The following ATXN1 variants were observed in gnomAD, a reference collection of about 807,000 sequenced individuals.
ATXN1 encodes ataxin 1, also known as ataxin-1.
ATXN1 carries 8 observed loss-of-function variants against 56.4 expected under a neutral mutation model. The ratio of observed to expected loss-of-function variants is 0.14; its 90% CI spans 0.08 to 0.26. The LOEUF (loss-of-function observed/expected upper bound fraction) is 0.26, where lower values mean the gene tolerates loss of function less well. ATXN1 is among the 10% of genes least tolerant of loss of function. The probability of loss-of-function intolerance (pLI) is 1.00; values close to 1 mark genes in which losing one functional copy is unlikely to be tolerated. For synonymous variants in ATXN1, 514 were observed against 494.6 expected (o/e 1.04, Z -0.52); for missense variants, 987 against 1,106.5 (o/e 0.89, Z 1.53).
intron 2 of ATXN1, among the ~76,000 whole-genome samples, chr6:16,736,122 A>G (rs554055140): frequency 6.6e-6 from 1 of 152,350 alleles, no homozygotes; most frequent in Admixed American, 6.5e-5. Flanking sequence ...GAATTCACTG[A>G]TACATTAATA....
At position 16,326,341 on chromosome 6, in the gene ATXN1, T is replaced by C. The variant is rs138921826; in HGVS notation, c.1917+53A>G. 4 of 1,595,936 alleles carry C rather than the reference T, an allele frequency of 2.5e-6. No individual in the cohort carries two copies. The highest frequency in any genetic ancestry group is 2.2e-5 in the East Asian group (1 of 44,656). ...AGCAATTCGTCTTGCCAGGAGATGATGATGGCATCACGGTGTGGTGTCCCA... is the reference window on the plus strand; with the variant it reads ...AGCAATTCGTCTTGCCAGGAGATGACGATGGCATCACGGTGTGGTGTCCCA... On this transcript the variant is annotated intron_variant, in intron 7 of 7. Transcript: ENST00000436367. This position sits in a 1 kb window ranked among gnomAD's most constrained non-coding sequence, Gnocchi z 6.6.
chr6:16,328,302 G>T lies in ATXN1; in HGVS notation c.9C>A (p.Ser3=). 6.7e-7 allele frequency: 1 copy of T among 1,503,182 alleles called. No individual in the cohort carries two copies. 93.1% of individuals were successfully genotyped at this position (1,503,182 alleles called of 1,614,324 possible). ...GGCATTCGTTGCTCCGCTCTTGGTT[G>T]GATTTCATTTTTCGCCGTCCCCCCT... is the stretch of plus-strand genomic sequence containing the variant. MK[S]NQERSNECLP... The change falls in exon 7 of 8, where the codon TCC becomes TCA. Residue 3 remains serine (S), a synonymous_variant. Coordinates refer to ENST00000436367, the MANE Select transcript of ATXN1 (RefSeq NM_001128164.2). This position sits in a 1 kb window ranked among gnomAD's most constrained non-coding sequence, Gnocchi z 6.2.
chr6:16,391,124 T>C (rs575308440), intron 6 of ATXN1, among the ~76,000 whole-genome samples: 5 of 131,818 alleles, frequency 3.8e-5, no homozygotes, highest in East Asian at 4.4e-4. Context: ...ATTGCGTCAC[T>C]GCACTCCAGC....
At chr6:16,319,109 T>C (rs572828359) in intron 7 of ATXN1, among the ~76,000 whole-genome samples, 22 of 151,774 alleles carry the variant, frequency 1.4e-4, no homozygotes, top group African/African-American at 5.1e-4. Context: ...TCCCTGTTCC[T>C]AGGGAGGCTG....
chr6:16,479,609 A>C (rs576759934), intron 6 of ATXN1, among the ~76,000 whole-genome samples: 5 of 152,226 alleles, frequency 3.3e-5, no homozygotes, highest in Middle Eastern at 3.2e-3. Flanking sequence ...TTAAGAACCA[A>C]TAGATTTTGT....
intron 6 of ATXN1, among the ~76,000 whole-genome samples, chr6:16,462,876 G>A (rs1182595125): frequency 6.6e-6 from 1 of 151,992 alleles, no homozygotes; most frequent in East Asian, 1.9e-4. Context: ...CGCTTCTCAG[G>A]GCCCCCAAAA....
chr6:16,376,894 T>C (rs1205510878), intron 6 of ATXN1, among the ~76,000 whole-genome samples: 2 of 152,254 alleles, frequency 1.3e-5, no homozygotes, highest in Non-Finnish European at 2.9e-5. Context: ...GAAGTTATTG[T>C]ATGCAGAGAG....
intron 3 of ATXN1, among the ~76,000 whole-genome samples, chr6:16,608,852 T>C (rs1453052974): frequency 1.3e-5 from 2 of 152,134 alleles, no homozygotes; most frequent in Non-Finnish European, 2.9e-5. Context: ...CCTGAGGGAG[T>C]TCATTATTTA....
chr6:16,584,931 C>T (rs1762596072), intron 4 of ATXN1, among the ~76,000 whole-genome samples: 1 of 152,126 alleles, frequency 6.6e-6, no homozygotes, highest in Non-Finnish European at 1.5e-5. Flanking sequence ...ATATTTTTGG[C>T]ATCATGAAAG....
intron 2 of ATXN1, among the ~76,000 whole-genome samples, chr6:16,726,901 G>T (rs1759862795): frequency 6.6e-6 from 1 of 152,170 alleles, no homozygotes; most frequent in Non-Finnish European, 1.5e-5. Context: ...TCCTACTTCA[G>T]ATGGATTGCT....
intron 4 of ATXN1, among the ~76,000 whole-genome samples, chr6:16,566,061 G>C (rs545807141): frequency 6.6e-6 from 1 of 152,058 alleles, no homozygotes. Context: ...AGAGAAAAAG[G>C]ATTTTTCAGG....
chr6:16,615,742 A>T (rs964296159), intron 3 of ATXN1: 1 of 151,842 alleles, frequency 6.6e-6, no homozygotes, highest in Non-Finnish European at 1.5e-5. Context: ...AGAGTCAATG[A>T]TTAAATTCAG....
At chr6:16,442,531 TCA>T (rs756469690) in intron 6 of ATXN1, among the ~76,000 whole-genome samples, 1 of 151,646 alleles carries the variant, frequency 6.6e-6, no homozygotes, top group Non-Finnish European at 1.5e-5. Flanking sequence ...GAAAATAATC[TCA>T]CTAACATAGA....
intron 2 of ATXN1, among the ~76,000 whole-genome samples, chr6:16,700,276 T>A (rs558409197): frequency 5.1e-4 from 77 of 152,134 alleles, no homozygotes; most frequent in Non-Finnish European, 5.3e-4. Context: ...AGAATAGTAT[T>A]GGCAAGGACT....
rs36090082 is a variant in ATXN1 at position 16,484,991 on chromosome 6, G to GTGTGTGTGTGTGTGTGTGTGTA, written c.-161+980_-161+981insTACACACACACACACACACACA. ...TGTGTGTGTGTGTGTGTGTGTGTGT[G>GTGTGTGTGTGTGTGTGTGTGTA]TACACGCACACACATACATAAACAA... On this transcript the variant is annotated intron_variant, in intron 6 of 7. Coordinates refer to ENST00000436367, the MANE Select transcript of ATXN1 (RefSeq NM_001128164.2). 15 of 137,872 alleles carry GTGTGTGTGTGTGTGTGTGTGTA rather than the reference G, an allele frequency of 1.1e-4. No individual in the cohort carries two copies. In the South Asian group the frequency reaches 1.5e-3, roughly 14 times the overall value. The allele number at this position is 137,872 out of a possible 1,614,324, so 8.5% of individuals were successfully genotyped here.
chr6:16,511,496 A>ACATATG (rs1456268609), intron 5 of ATXN1, among the ~76,000 whole-genome samples: 1 of 152,230 alleles, frequency 6.6e-6, no homozygotes, highest in Non-Finnish European at 1.5e-5. Context: ...ACTAGGATTG[A>ACATATG]CATATGTTTC....
At chr6:16,737,191 G>C (rs1448634715) in intron 2 of ATXN1, 1 of 152,138 alleles carries the variant, frequency 6.6e-6, no homozygotes, top group Non-Finnish European at 1.5e-5. Context: ...TCTGCCAACC[G>C]CCTGGTTCAG....
chr6:16,354,020 G>A (rs144884955), intron 6 of ATXN1, among the ~76,000 whole-genome samples: 247 of 152,260 alleles, frequency 1.6e-3, no homozygotes, highest in African/African-American at 5.7e-3. Context: ...AACCTTGGCA[G>A]CACAGGAGAA....
At chr6:16,489,540 G>A (rs1373789416) in intron 5 of ATXN1, among the ~76,000 whole-genome samples, 1 of 152,162 alleles carries the variant, frequency 6.6e-6, no homozygotes, top group East Asian at 1.9e-4. Context: ...ATCACCAGCA[G>A]CTTACATCAC....
Sources: gnomAD v4.1 joint callset for allele counts (sites outside exome capture counted in the v4.1 genomes callset) on GRCh38, gnomAD v4.1.1 for gene constraint, Gnocchi (gnomAD v3.1) non-coding constraint, MANE v1.5 for transcripts, NCBI Gene and HGNC (gene_info 2026-07-23, HGNC 2026-07-21) for gene names.